ZFAND3: variants seen among roughly 807,000 people sequenced by gnomAD.
ZFAND3 encodes the protein zinc finger AN1-type containing 3.
Under a neutral mutation model 29.6 loss-of-function variants are expected in ZFAND3, and 10 were observed. The ratio of observed to expected loss-of-function variants is 0.34; its 90% CI spans 0.21 to 0.57. The LOEUF (loss-of-function observed/expected upper bound fraction) is 0.57, where lower values mean the gene tolerates loss of function less well. Ranked by LOEUF, ZFAND3 falls within the 20% of genes least tolerant of loss-of-function variation. The pLI, the probability that ZFAND3 is intolerant of heterozygous loss-of-function variation, is 0.86. For missense variants in ZFAND3, 230 were observed against 304.5 expected (o/e 0.76, Z 1.82); for synonymous variants, 128 against 112.6 (o/e 1.14, Z -0.87).
chr6:37,880,756 C>A (rs1033536102), intron 1 of ZFAND3, among the ~76,000 whole-genome samples: 3 of 149,588 alleles, frequency 2.0e-5, no homozygotes. Context: ...CTGAAAAGTT[C>A]GTGATTAAAT....
At chr6:37,890,577 A>G (rs1003078969) in intron 1 of ZFAND3, among the ~76,000 whole-genome samples, 14 of 152,244 alleles carry the variant, frequency 9.2e-5, no homozygotes, top group Admixed American at 9.2e-4. Context: ...CAATTTCACA[A>G]ATATATAGTG....
intron 5 of ZFAND3, among the ~76,000 whole-genome samples, chr6:38,148,025 C>G (rs1216094004): frequency 6.6e-6 from 1 of 152,072 alleles, no homozygotes; most frequent in Non-Finnish European, 1.5e-5. Flanking sequence ...GTCATAAATT[C>G]TTTGCCTAGA....
At chr6:38,058,169 A>G (rs1764167505) in intron 2 of ZFAND3, among the ~76,000 whole-genome samples, 1 of 152,082 alleles carries the variant, frequency 6.6e-6, no homozygotes, top group South Asian at 2.1e-4. Flanking sequence ...AACATCCTTC[A>G]CCTTCAAAGG....
intron 4 of ZFAND3, among the ~76,000 whole-genome samples, chr6:38,112,082 TTTCC>T (rs1160880071): frequency 6.6e-6 from 1 of 152,178 alleles, no homozygotes; most frequent in Non-Finnish European, 1.5e-5. Context: ...TTCTTAAGAT[TTTCC>T]TTCCTTATTT....
rs373903045 is a variant in ZFAND3, at chr6:37,950,218, G to A, written c.112+20219G>A. Among the ~76,000 whole-genome samples, 5 of 151,182 alleles carry A rather than the reference G, an allele frequency of 3.3e-5. No homozygotes were observed. In the South Asian group the frequency reaches 1.0e-3, roughly 32 times the overall value. On this transcript the variant is annotated intron_variant, in intron 2 of 5. Coordinates refer to ENST00000287218, the MANE Select transcript of ZFAND3 (RefSeq NM_021943.3). ...GCATGAAATCTAGGTTTTCTTCTGG[G>A]TTTTCATAGTTTTAGGTTTTACATT...
chr6:37,825,352 T>G (rs535381762), intron 1 of ZFAND3, among the ~76,000 whole-genome samples: 28 of 152,244 alleles, frequency 1.8e-4, no homozygotes, highest in Non-Finnish European at 2.9e-4. Flanking sequence ...GCTTGTGGAG[T>G]TTTACTTTGC....
At chr6:38,146,141 T>C (rs760721117) in intron 5 of ZFAND3, among the ~76,000 whole-genome samples, 2 of 149,386 alleles carry the variant, frequency 1.3e-5, no homozygotes, top group South Asian at 2.1e-4. Context: ...AGGCATCCTC[T>C]TCTTCCATTC....
chr6:37,958,043 T>C (rs1762131176), intron 2 of ZFAND3, among the ~76,000 whole-genome samples: 1 of 152,248 alleles, frequency 6.6e-6, no homozygotes, highest in African/African-American at 2.4e-5. Context: ...GGAAAGAATT[T>C]ATAATATGAC....
intron 1 of ZFAND3, among the ~76,000 whole-genome samples, chr6:37,826,713 A>C (rs1763767037): frequency 6.6e-6 from 1 of 151,786 alleles, no homozygotes; most frequent in Non-Finnish European, 1.5e-5. Context: ...AGATTGTGCC[A>C]CTGTACTCCA....
intron 1 of ZFAND3, among the ~76,000 whole-genome samples, chr6:37,907,238 AG>A (rs1186452129): frequency 1.3e-5 from 2 of 152,008 alleles, no homozygotes; most frequent in Admixed American, 6.6e-5. Flanking sequence ...AGCTTTACTG[AG>A]GTGTAATTTA....
chr6:38,073,754 G>T (rs755797144), intron 3 of ZFAND3, among the ~76,000 whole-genome samples: 1 of 152,142 alleles, frequency 6.6e-6, no homozygotes, highest in Non-Finnish European at 1.5e-5. Context: ...ATATGGAAAG[G>T]TATAGGATTC....
intron 5 of ZFAND3, among the ~76,000 whole-genome samples, chr6:38,129,771 C>A (rs1467831783): frequency 1.4e-5 from 2 of 146,434 alleles, no homozygotes; most frequent in Non-Finnish European, 3.0e-5. Context: ...CAGATTTGTT[C>A]TTTTTATTTA....
intron 5 of ZFAND3, among the ~76,000 whole-genome samples, chr6:38,151,777 G>A (rs534891864): frequency 3.9e-5 from 6 of 152,210 alleles, no homozygotes; most frequent in Non-Finnish European, 8.8e-5. Context: ...CTCAAGCCCC[G>A]GCTGTACAGG....
intron 2 of ZFAND3, among the ~76,000 whole-genome samples, chr6:38,016,644 A>G (rs1296231591): frequency 6.6e-6 from 1 of 152,206 alleles, no homozygotes; most frequent in African/African-American, 2.4e-5. Flanking sequence ...CTCACTCTTA[A>G]TGGATTTGTC....
chr6:37,895,281 G>T (rs972188717), intron 1 of ZFAND3, among the ~76,000 whole-genome samples: 2 of 151,400 alleles, frequency 1.3e-5, no homozygotes, highest in Admixed American at 1.3e-4. Flanking sequence ...ATTTCATCCA[G>T]TGTTTTTATC....
intron 2 of ZFAND3, among the ~76,000 whole-genome samples, chr6:38,037,075 T>G (rs531304893): frequency 2.6e-5 from 4 of 152,204 alleles, no homozygotes; most frequent in Non-Finnish European, 5.9e-5. Context: ...CTAAATAGGA[T>G]CTAAACTCTA....
chr6:37,938,733 T>G (rs534121741), intron 2 of ZFAND3, among the ~76,000 whole-genome samples: 2 of 152,344 alleles, frequency 1.3e-5, no homozygotes, highest in East Asian at 3.9e-4. Flanking sequence ...ATTATGCTAG[T>G]CAAGATACAT....
At chr6:38,078,989 A>G (rs1208026684) in intron 3 of ZFAND3, among the ~76,000 whole-genome samples, 1 of 152,172 alleles carries the variant, frequency 6.6e-6, no homozygotes, top group Non-Finnish European at 1.5e-5. Flanking sequence ...CCCATGTTAT[A>G]TATTTTGTTG....
At position 38,026,421 on chromosome 6, in the gene ZFAND3, ATTTTTTTTTT is replaced by A. The variant is rs10715149; in HGVS notation, c.113-35155_113-35146del. Among the ~76,000 whole-genome samples, 64 of 74,870 alleles carry A rather than the reference ATTTTTTTTTT, an allele frequency of 8.5e-4. 1 individual carries two copies. The South Asian group carries it at 0.012, about 14-fold the overall frequency. The allele number at this position is 74,870 out of a possible 152,430, so 49.1% of individuals were successfully genotyped here. A position where few individuals can be genotyped will look rare whatever the true frequency, so the allele number is the denominator to read the frequency against. On this transcript the variant is annotated intron_variant, in intron 2 of 5. Transcript: ENST00000287218. Reference sequence around the variant, plus strand: ...CATTTATTATTTGTATTACTTTAGGATTTTTTTTTTTTTTTTTTTTTTTTTTGAGACAAGA... The same window carrying A: ...CATTTATTATTTGTATTACTTTAGGATTTTTTTTTTTTTTTTGAGACAAGA...
Sources: allele counts gnomAD v4.1 joint callset (sites outside exome capture counted in the v4.1 genomes callset), GRCh38; gene constraint gnomAD v4.1.1; transcripts MANE v1.5; gene names NCBI Gene and HGNC (gene_info 2026-07-23, HGNC 2026-07-21).